The following NUCB2 variants were observed in gnomAD, a reference collection of about 807,000 sequenced individuals.
The protein encoded by NUCB2 is nucleobindin 2, also known as nucleobindin-2.
Under a neutral mutation model 57.9 loss-of-function variants are expected in NUCB2, and 48 were observed. That is an observed-to-expected ratio of 0.83 (90% CI 0.66 to 1.05). The LOEUF (loss-of-function observed/expected upper bound fraction) is 1.05, where lower values mean the gene tolerates loss of function less well. Among genes scored for constraint, NUCB2 ranks in the 50% least tolerant of loss-of-function variants. The pLI is 0.00. For synonymous variants in NUCB2, 139 were observed against 152.1 expected (o/e 0.91, Z 0.64); for missense variants, 442 against 476.2 (o/e 0.93, Z 0.67).
chr11:17,324,780 CTATTTATT>C lies in NUCB2; in HGVS notation c.1003-5317_1003-5310del, dbSNP rs147466695. Reference sequence around the variant, plus strand: ...GTGACCTAGCATATTGTCTATTTGTCTATTTATTTATTTATTTATTTATTTATTTATTT... The same window carrying C: ...GTGACCTAGCATATTGTCTATTTGTCTATTTATTTATTTATTTATTTATTT... On this transcript the variant is annotated intron_variant, in intron 11 of 13. Coordinates refer to ENST00000529010, the MANE Select transcript of NUCB2 (RefSeq NM_005013.4). 1.1e-3 allele frequency among the ~76,000 whole-genome samples: 155 copies of C among 147,152 alleles called. 1 individual carries two copies. Among genetic ancestry groups the C allele is most frequent in the South Asian group, 2.9e-3 (13 of 4,536 alleles).
At chr11:17,314,301 A>G (rs1325125951) in intron 10 of NUCB2, among the ~76,000 whole-genome samples, 2 of 152,124 alleles carry the variant, frequency 1.3e-5, no homozygotes, top group Non-Finnish European at 2.9e-5. Flanking sequence ...CTTCTTCATA[A>G]GTAGGCAGAG....
chr11:17,279,377 C>T (rs759053419), intron 1 of NUCB2, among the ~76,000 whole-genome samples: 1 of 152,142 alleles, frequency 6.6e-6, no homozygotes, highest in Non-Finnish European at 1.5e-5. Context: ...TTGGCCAAGT[C>T]AGTTAACTTC....
chr11:17,313,158 T>C (rs1165883861), intron 10 of NUCB2, among the ~76,000 whole-genome samples: 2 of 152,062 alleles, frequency 1.3e-5, no homozygotes, highest in Non-Finnish European at 2.9e-5. Flanking sequence ...CTAGATGCCT[T>C]TAGTATGAAT....
At chr11:17,290,886 C>T (rs1045574466) in intron 2 of NUCB2, among the ~76,000 whole-genome samples, 1 of 151,902 alleles carries the variant, frequency 6.6e-6, no homozygotes, top group Non-Finnish European at 1.5e-5. Context: ...TTTTTTTGCT[C>T]TATTTTTACT....
At chr11:17,347,566 T>A (rs1209757987) in intron 2 of NUCB2, among the ~76,000 whole-genome samples, 2 of 152,226 alleles carry the variant, frequency 1.3e-5, no homozygotes, top group Admixed American at 1.3e-4. Flanking sequence ...AACCATCATA[T>A]AATTATCAAA....
chr11:17,279,316 CTTAG>C (rs1273698643), intron 1 of NUCB2, among the ~76,000 whole-genome samples: 2 of 152,118 alleles, frequency 1.3e-5, no homozygotes, highest in Non-Finnish European at 2.9e-5. Context: ...GAAAAGTATA[CTTAG>C]TTAGAATTTC....
At chr11:17,345,517 G>A (rs1047233508) in intron 2 of NUCB2, among the ~76,000 whole-genome samples, 3 of 152,146 alleles carry the variant, frequency 2.0e-5, no homozygotes, top group East Asian at 1.9e-4. Context: ...GACCAGCCTG[G>A]CCAAGATGGT....
downstream of NUCB2, among the ~76,000 whole-genome samples, chr11:17,336,169 C>T (rs1951785317): frequency 6.6e-6 from 1 of 151,258 alleles, no homozygotes; most frequent in Non-Finnish European, 1.5e-5. Flanking sequence ...TCTCAAACTC[C>T]TAACCTCAAG....
At chr11:17,338,175 A>G (rs1463860405) in intron 2 of NUCB2, among the ~76,000 whole-genome samples, 1 of 152,190 alleles carries the variant, frequency 6.6e-6, no homozygotes, top group East Asian at 1.9e-4. Flanking sequence ...GCAAATCAAA[A>G]CCAATCAAAC....
chr11:17,298,796 T>C (rs902568718), intron 4 of NUCB2, among the ~76,000 whole-genome samples: 2 of 151,742 alleles, frequency 1.3e-5, no homozygotes, highest in Non-Finnish European at 2.9e-5. Context: ...CCTCCCAGGG[T>C]CAAGTGATCC....
chr11:17,316,510 T>C (rs1001416570), intron 11 of NUCB2, among the ~76,000 whole-genome samples: 1 of 152,222 alleles, frequency 6.6e-6, no homozygotes, highest in Admixed American at 6.5e-5. Context: ...GTAATGACAC[T>C]ATGATGACTA....
intron 11 of NUCB2, among the ~76,000 whole-genome samples, chr11:17,318,041 A>G (rs1949509760): frequency 6.9e-6 from 1 of 144,150 alleles, no homozygotes; most frequent in African/African-American, 2.6e-5. Flanking sequence ...TCTGTCACCC[A>G]GGCTGGAGTA....
intron 5 of NUCB2, among the ~76,000 whole-genome samples, chr11:17,306,366 T>A (rs1248543815): frequency 2.0e-5 from 3 of 152,066 alleles, no homozygotes; most frequent in African/African-American, 4.8e-5. Context: ...TGGGAAAGAG[T>A]ATAATAATCT....
chr11:17,296,555 A>C (rs1448468234), intron 4 of NUCB2, among the ~76,000 whole-genome samples: 2 of 152,212 alleles, frequency 1.3e-5, no homozygotes, highest in Non-Finnish European at 2.9e-5. Context: ...GAAGGCAGAC[A>C]CATAATCTAA....
At chr11:17,316,382 T>C (rs1195434076) in intron 11 of NUCB2, among the ~76,000 whole-genome samples, 2 of 152,234 alleles carry the variant, frequency 1.3e-5, no homozygotes, top group Non-Finnish European at 2.9e-5. Context: ...TTTAATATCA[T>C]TCTTCAAAAA....
At position 17,331,628 on chromosome 11, in the gene NUCB2, GTCTGCTC is replaced by G; in HGVS notation, c.*219_*225del. ...GAACCAGGAAGAAAACAAACTCACTGTCTGCTCTCTGCTCTCACATTCACACGGCTCT... is the reference window on the plus strand; with the variant it reads ...GAACCAGGAAGAAAACAAACTCACTGTCTGCTCTCACATTCACACGGCTCT... On this transcript the variant is annotated 3_prime_UTR_variant, in exon 14 of 14. Coordinates refer to ENST00000529010, the MANE Select transcript of NUCB2 (RefSeq NM_005013.4). The G allele has an allele frequency of 2.5e-6, 1 of 393,562 alleles. No individual in the cohort carries two copies. The highest frequency in any genetic ancestry group is 4.6e-6 in the Non-Finnish European group (1 of 218,218). 24.4% of individuals were successfully genotyped at this position (393,562 alleles called of 1,614,324 possible).
chr11:17,301,799 T>C lies in NUCB2; in HGVS notation c.308T>C (p.Leu103Pro), dbSNP rs774662197. Residue 103 changes from leucine to proline, a missense_variant, in exon 5 of 14, where the codon CTT (leucine) becomes CCT (proline). Leu to Pro is a moderately conservative substitution (Grantham distance 98). Transcript: ENST00000529010. ...DLVSHHVRTKLDELKRQEVGR... is the reference protein window; with the variant it reads ...DLVSHHVRTKPDELKRQEVGR... ...GTAAGTCACCATGTGAGGACAAAAC[T>C]TGATGAACTGAAAAGGCAAGAAGTA... The C allele has an allele frequency of 3.7e-6, 6 of 1,611,834 alleles. No homozygotes were observed. The East Asian group carries it at 1.1e-4, about 30-fold the overall frequency.
chr11:17,306,762 C>A (rs1256715748), intron 5 of NUCB2, among the ~76,000 whole-genome samples: 2 of 151,816 alleles, frequency 1.3e-5, no homozygotes, highest in African/African-American at 2.4e-5. Flanking sequence ...ACTAAAAATA[C>A]AAAAAAATAG....
intron 2 of NUCB2, among the ~76,000 whole-genome samples, chr11:17,338,715 G>A (rs1952000335): frequency 6.6e-6 from 1 of 152,010 alleles, no homozygotes; most frequent in Non-Finnish European, 1.5e-5. Flanking sequence ...TCAGGCTGGA[G>A]TGCAGTGGCG....
Sources: allele counts gnomAD v4.1 joint callset (sites outside exome capture counted in the v4.1 genomes callset), GRCh38; gene constraint gnomAD v4.1.1; transcripts MANE v1.5; gene names NCBI Gene and HGNC (gene_info 2026-07-23, HGNC 2026-07-21).